ATP1B3: variants seen among roughly 807,000 people sequenced by gnomAD.
ATP1B3 encodes the protein ATPase Na+/K+ transporting subunit beta 3, also known as sodium/potassium-transporting ATPase subunit beta-3.
Under a neutral mutation model 30.2 loss-of-function variants are expected in ATP1B3, and 10 were observed. That is an observed-to-expected ratio of 0.33 (90% CI 0.20 to 0.56). The LOEUF is 0.56. Among genes scored for constraint, ATP1B3 ranks in the 20% least tolerant of loss-of-function variants. The pLI, the probability that ATP1B3 is intolerant of heterozygous loss-of-function variation, is 0.90. For synonymous variants in ATP1B3, 113 were observed against 117.0 expected, an observed-to-expected ratio of 0.97 and a Z score of 0.22; for missense variants, 238 against 336.7, an observed-to-expected ratio of 0.71 and a Z score of 2.29.
At chr3:141,917,206 G>A (rs992236638) in intron 5 of ATP1B3, among the ~76,000 whole-genome samples, 28 of 152,144 alleles carry the variant, frequency 1.8e-4, no homozygotes, top group African/African-American at 5.3e-4. Flanking sequence ...CTGCTGGTCT[G>A]AGGCCCACAT....
chr3:141,913,772 G>T lies in ATP1B3; in HGVS notation c.467G>T (p.Gly156Val). 1 of 1,613,990 alleles carries T rather than the reference G, an allele frequency of 6.2e-7. No individual in the cohort carries two copies. The highest frequency in any genetic ancestry group is 8.5e-7 in the Non-Finnish European group (1 of 1,179,970). Residue 156 changes from glycine (G) to valine (V), a missense_variant, in exon 4 of 7, where the codon GGT (glycine) becomes GTT (valine). Physicochemically the swap from Gly to Val is moderately radical, Grantham distance 109 (BLOSUM62 -3). Transcript: ENST00000286371. Reference protein sequence around the residue: ...FPISLLQACSGMNDPDFGYSQ... With the variant: ...FPISLLQACSVMNDPDFGYSQ... ...ATTTCATTACTTCAAGCATGCAGTG[G>T]TATGAATGATCCTGATTTTGGCTAT...
At position 141,925,682 on chromosome 3, in the gene ATP1B3, A is replaced by G. The variant is rs147061053; in HGVS notation, c.821A>G (p.Lys274Arg). 17 of 1,611,966 alleles carry G rather than the reference A, an allele frequency of 1.1e-5. No individual in the cohort carries two copies. The African/African-American group carries it at 1.2e-4, about 11-fold the overall frequency. ...AAGTTTTTGGGACGAGTTATGTTCA[A>G]AATCACAGCACGTGCATAGTATGAG... ...RDKFLGRVMF[K>R]ITARA Residue 274 changes from lysine to arginine, a missense_variant, in exon 7 of 7, where the codon AAA (lysine) becomes AGA (arginine). Lys to Arg is a conservative substitution (Grantham distance 26). Transcript: ENST00000286371.
chr3:141,916,889 G>A (rs1416879374), intron 5 of ATP1B3, among the ~76,000 whole-genome samples: 4 of 151,710 alleles, frequency 2.6e-5, no homozygotes, highest in Admixed American at 6.6e-5. Context: ...TCTTTTAGAC[G>A]GAGTCTCACT....
intron 6 of ATP1B3, 35 bp downstream of exon 6, chr3:141,922,098 C>G: frequency 7.6e-7 from 1 of 1,311,444 alleles, no homozygotes; most frequent in Non-Finnish European, 1.1e-6. Flanking sequence ...GGTGATTACT[C>G]TTTTGGGAAG....
intron 4 of ATP1B3, among the ~76,000 whole-genome samples, chr3:141,914,562 A>G (rs1045014408): frequency 3.3e-5 from 5 of 152,150 alleles, no homozygotes; most frequent in Non-Finnish European, 7.3e-5. Context: ...CTGTAAATGT[A>G]CTTCAGAGTT....
At chr3:141,899,060 G>T (rs968933632) in intron 1 of ATP1B3, among the ~76,000 whole-genome samples, 1 of 152,172 alleles carries the variant, frequency 6.6e-6, no homozygotes, top group Non-Finnish European at 1.5e-5. Context: ...ACTAGTGATT[G>T]CCAGGAACTG....
intron 1 of ATP1B3, 89 bp downstream of exon 1, chr3:141,876,999 G>T: frequency 1.9e-6 from 2 of 1,048,240 alleles, no homozygotes; most frequent in Non-Finnish European, 2.6e-6. Flanking sequence ...GCGGGAGGCG[G>T]CTCCCAGCGC....
intron 6 of ATP1B3, among the ~76,000 whole-genome samples, chr3:141,924,907 C>T (rs766605040): frequency 1.3e-5 from 2 of 151,874 alleles, no homozygotes; most frequent in East Asian, 1.9e-4. Context: ...GAGCCGGGAT[C>T]GTGCCACTGC....
chr3:141,921,100 TTAA>T (rs1392681943), intron 5 of ATP1B3, among the ~76,000 whole-genome samples: 1 of 152,140 alleles, frequency 6.6e-6, no homozygotes, highest in African/African-American at 2.4e-5. Context: ...ATTCAAGTAT[TTAA>T]TAATGTTTTA....
In ATP1B3 at chr3:141,908,125, G is replaced by A. The variant is rs373187769; in HGVS notation, c.346+851G>A. Among the ~76,000 whole-genome samples, 6 of 138,868 alleles carry A rather than the reference G, an allele frequency of 4.3e-5. No individual in the cohort carries two copies. The East Asian group carries it at 6.5e-4, about 15-fold the overall frequency. 91.1% of individuals were successfully genotyped at this position (138,868 alleles called of 152,430 possible). On this transcript the variant is annotated intron_variant, in intron 3 of 6. Coordinates refer to ENST00000286371, the MANE Select transcript of ATP1B3 (RefSeq NM_001679.4). ...AAGTTCTAGGGTACGTGTGCACAAC[G>A]TGCAGGTTTCCAATGTAGTGCTTGC... is the stretch of plus-strand genomic sequence containing the variant.
Position 141,925,560 on chromosome 3 carries a change from TC to T in ATP1B3, c.700del (p.Gln234ArgfsTer13). On this transcript the variant is annotated frameshift_variant, in exon 7 of 7. Transcript: ENST00000286371. LOFTEE classifies it low-confidence loss of function (END_TRUNC). Reference protein sequence around the residue: ...VGYLQPLVAVQVSFAPNNTGK... With the variant: ...VGYLQPLVAVXVSFAPNNTGK... ...GGTATCTACAGCCATTGGTTGCTGT[TC>T]AGGTCAGCTTTGCTCCTAACAACAC... 6.2e-7 allele frequency: 1 copy of T among 1,612,790 alleles called. No homozygotes were observed. The highest frequency in any genetic ancestry group is 8.5e-7 in the Non-Finnish European group (1 of 1,179,548).
intron 1 of ATP1B3, among the ~76,000 whole-genome samples, chr3:141,896,570 A>G (rs1375221423): frequency 1.3e-5 from 2 of 152,108 alleles, no homozygotes; most frequent in Admixed American, 1.3e-4. Flanking sequence ...TTCTTCATAT[A>G]TTCTAGATAG....
chr3:141,878,985 A>G (rs571679195), intron 1 of ATP1B3, among the ~76,000 whole-genome samples: 1 of 152,272 alleles, frequency 6.6e-6, no homozygotes, highest in South Asian at 2.1e-4. Flanking sequence ...AATTCTTGCA[A>G]AGGCAGGATC....
intron 1 of ATP1B3, among the ~76,000 whole-genome samples, chr3:141,893,662 C>T (rs36038301): frequency 0.11 from 16,377 of 152,146 alleles, 1,082 homozygotes; most frequent in Middle Eastern, 0.16. Context: ...ATAAACTGCA[C>T]ATATTTGAAG....
intron 1 of ATP1B3, among the ~76,000 whole-genome samples, chr3:141,900,675 C>T (rs981636608): frequency 3.3e-5 from 5 of 152,212 alleles, no homozygotes; most frequent in East Asian, 3.9e-4. Flanking sequence ...TTGAATTGTA[C>T]GCCCAGTGTG....
chr3:141,915,933 C>G, intron 4 of ATP1B3, 37 bp from the exon 5 acceptor site: 1 of 1,546,914 alleles, frequency 6.5e-7, no homozygotes, highest in East Asian at 2.3e-5. Context: ...TGCATACTTA[C>G]GTGAAGTTTA....
intron 1 of ATP1B3, among the ~76,000 whole-genome samples, chr3:141,881,460 C>G (rs1933724849): frequency 6.6e-6 from 1 of 152,170 alleles, no homozygotes; most frequent in Non-Finnish European, 1.5e-5. Context: ...GCCATTTTCT[C>G]AGTCACTTCT....
chr3:141,880,387 G>A (rs77429941), intron 1 of ATP1B3, among the ~76,000 whole-genome samples: 3,252 of 152,294 alleles, frequency 0.021, 114 homozygotes, highest in African/African-American at 0.072. Flanking sequence ...AGTGTACTTA[G>A]CACTGGTTTT....
At chr3:141,917,926 C>A (rs1018186520) in intron 5 of ATP1B3, among the ~76,000 whole-genome samples, 1 of 151,854 alleles carries the variant, frequency 6.6e-6, no homozygotes, top group Non-Finnish European at 1.5e-5. Flanking sequence ...CGCCACCACG[C>A]CCGGCTAATT....
Sources: allele counts gnomAD v4.1 joint callset (sites outside exome capture counted in the v4.1 genomes callset), GRCh38; gene constraint gnomAD v4.1.1; transcripts MANE v1.5; gene names NCBI Gene and HGNC (gene_info 2026-07-23, HGNC 2026-07-21).